Variants in EXD2 observed in about 807,000 individuals in gnomAD.
EXD2 encodes the protein exonuclease 3'-5' domain containing 2.
Under a neutral mutation model 62.5 loss-of-function variants are expected in EXD2, and 40 were observed. That is an observed-to-expected ratio of 0.64 (90% confidence interval 0.50 to 0.83). The LOEUF (loss-of-function observed/expected upper bound fraction) is 0.83. Among genes scored for constraint, EXD2 ranks in the 40% least tolerant of loss-of-function variants. The pLI, the probability that EXD2 is intolerant of heterozygous loss-of-function variation, is 0.00. For synonymous variants in EXD2, 239 were observed against 291.9 expected, an observed-to-expected ratio of 0.82 and a Z score of 1.85; for missense variants, 671 against 761.8, an observed-to-expected ratio of 0.88 and a Z score of 1.40.
In EXD2 at chr14:69,220,253, GTTTTTTTTTTTTTTTTT is replaced by G. The variant is rs869194045; in HGVS notation, c.334-8544_334-8528del. 3.7e-4 allele frequency among the ~76,000 whole-genome samples: 13 copies of G among 35,114 alleles called. 1 individual carries two copies. The highest frequency in any genetic ancestry group is 0.053 in the Middle Eastern group (2 of 38). 23.0% of individuals were successfully genotyped at this position (35,114 alleles called of 152,430 possible). A position where few individuals can be genotyped will look rare whatever the true frequency, so the allele number is the denominator to read the frequency against. ...CTCTCAGCAAGTGTTTTGTCTCTCT[GTTTTTTTTTTTTTTTTT>G]TTTTTTTTTTTTTTTTTTGAGACAG... On this transcript the variant is annotated intron_variant, in intron 3 of 9. Coordinates refer to ENST00000685843, the MANE Select transcript of EXD2 (RefSeq NM_001193360.2).
At chr14:69,221,825 G>T (rs2043192107) in intron 3 of EXD2, among the ~76,000 whole-genome samples, 1 of 141,498 alleles carries the variant, frequency 7.1e-6, no homozygotes, top group East Asian at 2.2e-4. Context: ...TATAATCCCA[G>T]CACTTTGGGA....
chr14:69,228,798 T>C lies in EXD2; in HGVS notation c.334-18T>C, dbSNP rs756264891. 1 of 1,601,350 alleles carries C rather than the reference T, an allele frequency of 6.2e-7. No individual in the cohort carries two copies. The highest frequency in any genetic ancestry group is 1.1e-5 in the South Asian group (1 of 89,252). ...TGTGCTCAGGTGTGAACCACAACCT[T>C]GTCTTCCTCTGTTGCAGGTAAATTT... is the stretch of plus-strand genomic sequence containing the variant. On this transcript the variant is annotated intron_variant, in intron 3 of 9. Transcript: ENST00000685843.
Position 69,237,706 on chromosome 14 carries a change from A to C in EXD2, c.1424A>C (p.Gln475Pro). 6.2e-7 allele frequency: 1 copy of C among 1,614,218 alleles called. No homozygotes were observed. Among genetic ancestry groups the C allele is most frequent in the Non-Finnish European group, 8.5e-7 (1 of 1,180,024 alleles). ...AACTACTATGACAACCATCTGAAGCAGCAGCTGGCCAAGGAGTTCCAGGCC... is the reference window on the plus strand; with the variant it reads ...AACTACTATGACAACCATCTGAAGCCGCAGCTGGCCAAGGAGTTCCAGGCC... The part of the protein sequence containing the change: ...ISNYYDNHLK[Q>P]QLAKEFQAPI... The change falls in exon 9 of 10, where the codon CAG becomes CCG. Residue 475 changes from glutamine to proline, a missense_variant. Gln to Pro is a moderately conservative substitution (Grantham distance 76). Coordinates refer to ENST00000685843, the MANE Select transcript of EXD2 (RefSeq NM_001193360.2).
At chr14:69,194,638 C>T (rs1039399457) in intron 1 of EXD2, among the ~76,000 whole-genome samples, 4 of 152,254 alleles carry the variant, frequency 2.6e-5, no homozygotes, top group Middle Eastern at 3.4e-3. Context: ...TGAGCCACCT[C>T]GCCTGGCCTC....
chr14:69,220,253 GTTTTTTTTTTTTTTTTTTTTTTTTTT>G (rs869194045), intron 3 of EXD2, among the ~76,000 whole-genome samples: 1 of 35,094 alleles, frequency 2.8e-5, no homozygotes, highest in Non-Finnish European at 4.9e-5. Flanking sequence ...TTGTCTCTCT[GTTTTTTTTTTTTTTTTTTTTTTTTTT>G]TTTTTTTTTG....
intron 9 of EXD2, among the ~76,000 whole-genome samples, chr14:69,240,589 C>T (rs1312734497): frequency 6.6e-6 from 1 of 152,098 alleles, no homozygotes; most frequent in Non-Finnish European, 1.5e-5. Context: ...CATTCTTCAT[C>T]CATTATCAGC....
intron 6 of EXD2, 107 bp from the exon 7 acceptor site, chr14:69,235,939 G>A: frequency 1.2e-6 from 1 of 823,422 alleles, no homozygotes; most frequent in South Asian, 1.3e-5. Context: ...TTTGACCTTA[G>A]TGTTGAGAAT....
At chr14:69,235,985 A>C in intron 6 of EXD2, 61 bp from the exon 7 acceptor site, 1 of 1,241,648 alleles carries the variant, frequency 8.1e-7, no homozygotes, top group Non-Finnish European at 1.2e-6. Context: ...ATGGGAAGGC[A>C]ACAGACATTT....
At chr14:69,231,480 C>A (rs1053895527) in intron 5 of EXD2, among the ~76,000 whole-genome samples, 1 of 152,148 alleles carries the variant, frequency 6.6e-6, no homozygotes, top group Non-Finnish European at 1.5e-5. Context: ...GGTTAATATA[C>A]AGTATTTATA....
At chr14:69,201,364 T>C (rs1400674206) in intron 1 of EXD2, among the ~76,000 whole-genome samples, 2 of 151,836 alleles carry the variant, frequency 1.3e-5, no homozygotes, top group Non-Finnish European at 2.9e-5. Flanking sequence ...AATTTTTGAA[T>C]TTTTATTAAA....
At chr14:69,218,992 C>T (rs36062645) in intron 3 of EXD2, among the ~76,000 whole-genome samples, 1,552 of 152,214 alleles carry the variant, frequency 0.01, 22 homozygotes, top group Non-Finnish European at 0.012. Flanking sequence ...GCAATGCAGG[C>T]TGTTTTTTGG....
intron 1 of EXD2, among the ~76,000 whole-genome samples, chr14:69,200,761 G>C (rs909526009): frequency 2.7e-5 from 4 of 149,110 alleles, no homozygotes; most frequent in Non-Finnish European, 5.9e-5. Flanking sequence ...ATTTTACCAC[G>C]ATAAAGAAGT....
At chr14:69,239,656 G>A (rs2043916819) in intron 9 of EXD2, among the ~76,000 whole-genome samples, 1 of 152,078 alleles carries the variant, frequency 6.6e-6, no homozygotes, top group Non-Finnish European at 1.5e-5. Flanking sequence ...AATCTTTCAG[G>A]GTTTTAAAAG....
At chr14:69,232,695 G>A (rs1301110763) in intron 5 of EXD2, among the ~76,000 whole-genome samples, 1 of 152,140 alleles carries the variant, frequency 6.6e-6, no homozygotes, top group Non-Finnish European at 1.5e-5. Flanking sequence ...TATATCTTCC[G>A]TGGAGAAATG....
Position 69,209,612 on chromosome 14 carries a change from C to G in EXD2, c.142C>G (p.Leu48Val). ...GACCCAACAGCCACAGCAGAAAGTGCTGGGCAGTAGAGAGCTGCCCCCTCC... is the reference window on the plus strand; with the variant it reads ...GACCCAACAGCCACAGCAGAAAGTGGTGGGCAGTAGAGAGCTGCCCCCTCC... Reference protein sequence around the residue: ...PVTQQPQQKVLGSRELPPPED... With the variant: ...PVTQQPQQKVVGSRELPPPED... Residue 48 changes from leucine (L) to valine (V), a missense_variant, in exon 3 of 10, where the codon CTG (leucine) becomes GTG (valine). By Grantham distance (32) the Leu-to-Val change is conservative. Coordinates refer to ENST00000685843, the MANE Select transcript of EXD2 (RefSeq NM_001193360.2). The G allele has an allele frequency of 1.9e-6, 3 of 1,550,558 alleles. No homozygotes were observed. In the African/African-American group the frequency reaches 4.1e-5, roughly 21 times the overall value.
intron 3 of EXD2, among the ~76,000 whole-genome samples, chr14:69,224,867 T>C (rs2043305516): frequency 6.6e-6 from 1 of 151,986 alleles, no homozygotes; most frequent in Non-Finnish European, 1.5e-5. Flanking sequence ...AAGTCCCAGC[T>C]ACTCAGGAGG....
chr14:69,228,551 C>A (rs4899290), intron 3 of EXD2, among the ~76,000 whole-genome samples: 1 of 152,068 alleles, frequency 6.6e-6, no homozygotes, highest in African/African-American at 2.4e-5. Context: ...CCCAGAGCTC[C>A]CCTGTGTCGG....
intron 3 of EXD2, among the ~76,000 whole-genome samples, chr14:69,214,549 C>T (rs930022725): frequency 1.3e-5 from 2 of 151,988 alleles, no homozygotes; most frequent in African/African-American, 4.8e-5. Context: ...GTGCCTGGAA[C>T]AAAAATAAAC....
chr14:69,192,369 C>T (rs1008196291), intron 1 of EXD2, among the ~76,000 whole-genome samples: 2 of 152,008 alleles, frequency 1.3e-5, no homozygotes, highest in Non-Finnish European at 2.9e-5. Context: ...TTAGGAAGTG[C>T]GGGTTGGGGC....
Sources: gnomAD v4.1 joint callset for allele counts (sites outside exome capture counted in the v4.1 genomes callset) on GRCh38, gnomAD v4.1.1 for gene constraint, MANE v1.5 for transcripts, NCBI Gene and HGNC (gene_info 2026-07-23, HGNC 2026-07-21) for gene names.